The following NKAIN3 variants were observed in gnomAD, a reference collection of about 807,000 sequenced individuals.
The protein encoded by NKAIN3 is sodium/potassium-transporting ATPase subunit beta-1-interacting protein 3.
A neutral mutation model predicts 30.2 loss-of-function variants in NKAIN3; 25 were observed. The observed-to-expected ratio is 0.83, with a 90% confidence interval of 0.60 to 1.16. The LOEUF is 1.16. NKAIN3 is among the 50% of genes most tolerant of loss of function. The probability of loss-of-function intolerance (pLI) is 0.00; values close to 1 mark genes in which losing one functional copy is unlikely to be tolerated. For synonymous variants in NKAIN3, 91 were observed against 89.6 expected (o/e 1.02, Z -0.09); for missense variants, 225 against 254.1 (o/e 0.89, Z 0.78).
intron 4 of NKAIN3, among the ~76,000 whole-genome samples, chr8:62,881,643 G>A (rs1406116622): frequency 1.3e-5 from 2 of 152,180 alleles, no homozygotes; most frequent in Admixed American, 6.5e-5. Flanking sequence ...ACCTGATGAA[G>A]GACATCTTGG....
At chr8:62,690,439 T>C (rs563043115) in intron 3 of NKAIN3, among the ~76,000 whole-genome samples, 2 of 152,292 alleles carry the variant, frequency 1.3e-5, no homozygotes, top group African/African-American at 4.8e-5. Context: ...GTTCTCACTG[T>C]CTCCCTTGAA....
In NKAIN3 at chr8:62,968,875, A is replaced by G. The variant is rs1279142397; in HGVS notation, c.*3468A>G. ...CTGGTCATGTTTCAAAGCCATCAAA[A>G]TCTAAGCAAGGGAGTTACAGGGAGG... On this transcript the variant is annotated 3_prime_UTR_variant, in exon 7 of 7. Transcript: ENST00000623646. Among the ~76,000 whole-genome samples the G allele has an allele frequency of 6.6e-6, 1 of 152,200 alleles. No individual in the cohort carries two copies. The highest frequency in any genetic ancestry group is 1.9e-4 in the East Asian group (1 of 5,198).
chr8:62,736,741 T>G (rs773056721), intron 3 of NKAIN3, among the ~76,000 whole-genome samples: 5 of 152,156 alleles, frequency 3.3e-5, no homozygotes, highest in Non-Finnish European at 7.3e-5. Context: ...TCGCATTCAG[T>G]CAAAATTGTT....
chr8:62,555,132 A>C (rs541067687), intron 1 of NKAIN3, among the ~76,000 whole-genome samples: 1 of 150,202 alleles, frequency 6.7e-6, no homozygotes, highest in South Asian at 2.1e-4. Flanking sequence ...TATGTATGCC[A>C]CAATGTCATG....
chr8:62,587,579 C>T (rs1312259968), intron 2 of NKAIN3, among the ~76,000 whole-genome samples: 1 of 151,866 alleles, frequency 6.6e-6, no homozygotes, highest in Non-Finnish European at 1.5e-5. Context: ...AAAACAAAGC[C>T]TACCCTGTAT....
chr8:62,767,915 C>A (rs1563553399), intron 4 of NKAIN3, among the ~76,000 whole-genome samples: 1 of 151,724 alleles, frequency 6.6e-6, no homozygotes, highest in Non-Finnish European at 1.5e-5. Flanking sequence ...TCTTAAAAGT[C>A]TTTTGGATAT....
chr8:62,788,245 T>TG (rs1433690345), intron 4 of NKAIN3, among the ~76,000 whole-genome samples: 2 of 152,222 alleles, frequency 1.3e-5, no homozygotes, highest in African/African-American at 4.8e-5. Flanking sequence ...TGGTGTGAGA[T>TG]GGTATCTCAT....
intron 4 of NKAIN3, among the ~76,000 whole-genome samples, chr8:62,870,226 C>CTATATATAGATATCTATAGATATCTA (rs1563603834): frequency 1.8e-4 from 24 of 136,644 alleles, no homozygotes; most frequent in African/African-American, 6.0e-4. Flanking sequence ...ATATCTATAT[C>CTATATATAGATATCTATAGATATCTA]TATATATAGA....
At chr8:62,349,610 G>A (rs2129591673) in intron 1 of NKAIN3, among the ~76,000 whole-genome samples, 1 of 152,272 alleles carries the variant, frequency 6.6e-6, no homozygotes, top group East Asian at 1.9e-4. Context: ...ATATGCACGT[G>A]GTACAGGCCT....
chr8:62,802,296 C>T (rs1818094698), intron 4 of NKAIN3, among the ~76,000 whole-genome samples: 1 of 152,126 alleles, frequency 6.6e-6, no homozygotes, highest in Non-Finnish European at 1.5e-5. Flanking sequence ...TCGAGAAGAG[C>T]AACTCCAAGA....
intron 4 of NKAIN3, among the ~76,000 whole-genome samples, chr8:62,829,766 A>AGATAGATC (rs1554582338): frequency 1.3e-5 from 2 of 151,730 alleles, no homozygotes; most frequent in African/African-American, 4.9e-5. Flanking sequence ...ATAGATAGAT[A>AGATAGATC]GATCTATTTA....
intron 1 of NKAIN3, among the ~76,000 whole-genome samples, chr8:62,523,556 C>T (rs1208541684): frequency 6.6e-6 from 1 of 152,084 alleles, no homozygotes; most frequent in Non-Finnish European, 1.5e-5. Context: ...AATTAAATAA[C>T]CCACTGGGTT....
At chr8:62,495,978 C>T (rs1039346162) in intron 1 of NKAIN3, among the ~76,000 whole-genome samples, 4 of 152,132 alleles carry the variant, frequency 2.6e-5, no homozygotes, top group African/African-American at 9.7e-5. Context: ...TTTGTCCCCA[C>T]TGAATTGGTC....
At chr8:62,448,032 A>G (rs62511482) in intron 1 of NKAIN3, among the ~76,000 whole-genome samples, 2,119 of 152,062 alleles carry the variant, frequency 0.014, 21 homozygotes, top group Non-Finnish European at 0.02. Context: ...AATCAACATA[A>G]GGGAGAAAGC....
Position 62,851,477 on chromosome 8 carries a change from G to A in NKAIN3, c.472-66976G>A, listed in dbSNP as rs1819895641. On this transcript the variant is annotated intron_variant, in intron 4 of 6. Coordinates refer to ENST00000623646, the MANE Select transcript of NKAIN3 (RefSeq NM_001304533.3). ...TTCTCCTGCCTGATTGCCCTGGCCA[G>A]AACTTCCAACACTATTTTTAATAGG... Among the ~76,000 whole-genome samples the A allele has an allele frequency of 2.0e-5, 3 of 152,278 alleles. No individual in the cohort carries two copies. The South Asian group carries it at 6.2e-4, about 32-fold the overall frequency.
chr8:62,692,639 A>T (rs1814017469), intron 3 of NKAIN3, among the ~76,000 whole-genome samples: 1 of 152,184 alleles, frequency 6.6e-6, no homozygotes, highest in South Asian at 2.1e-4. Context: ...GCATTCAATG[A>T]TAACTACTCT....
chr8:62,635,095 C>T (rs1335548743), intron 3 of NKAIN3, among the ~76,000 whole-genome samples: 1 of 152,082 alleles, frequency 6.6e-6, no homozygotes, highest in East Asian at 1.9e-4. Context: ...CAAACATCAC[C>T]TCTGCAGAGA....
At chr8:62,282,319 C>G (rs1031412132) in intron 1 of NKAIN3, among the ~76,000 whole-genome samples, 1 of 152,142 alleles carries the variant, frequency 6.6e-6, no homozygotes, top group African/African-American at 2.4e-5. Context: ...ACCAAAGATG[C>G]CTGCACACCT....
chr8:62,513,214 G>T (rs1807867192), intron 1 of NKAIN3, among the ~76,000 whole-genome samples: 1 of 151,758 alleles, frequency 6.6e-6, no homozygotes, highest in Non-Finnish European at 1.5e-5. Context: ...AGGAAATAGT[G>T]TAATGCATTG....
Sources: allele counts gnomAD v4.1 joint callset (sites outside exome capture counted in the v4.1 genomes callset), GRCh38; gene constraint gnomAD v4.1.1; transcripts MANE v1.5; gene names NCBI Gene and HGNC (gene_info 2026-07-23, HGNC 2026-07-21).